UGT2B10: variants seen among roughly 807,000 people sequenced by gnomAD.
UGT2B10 encodes UDP glucuronosyltransferase family 2 member B10.
UGT2B10 carries 51 observed loss-of-function variants against 43.7 expected under a neutral mutation model. The ratio of observed to expected loss-of-function variants is 1.17; its 90% CI spans 0.93 to 1.47. The LOEUF is 1.47. Among genes scored for constraint, UGT2B10 ranks in the 40% most tolerant of loss-of-function variants. The pLI is 0.00. For missense variants in UGT2B10, 696 were observed against 617.7 expected, an observed-to-expected ratio of 1.13 and a Z score of -1.34; for synonymous variants, 225 against 209.0, an observed-to-expected ratio of 1.08 and a Z score of -0.66.
In UGT2B10 at chr4:68,831,035, T is replaced by C. The variant is rs1578277639; in HGVS notation, c.*156T>C. 1 of 956,438 alleles carries C rather than the reference T, an allele frequency of 1.0e-6. No homozygotes were observed. Among genetic ancestry groups the C allele is most frequent in the Non-Finnish European group, 1.5e-6 (1 of 653,324 alleles). 59.2% of individuals were successfully genotyped at this position (956,438 alleles called of 1,614,324 possible). ...CAAGTAAAAATTTGTTTTTCAGAGA[T>C]TTACCACCCAGTTAATGGTTAGAAA... On this transcript the variant is annotated 3_prime_UTR_variant, in exon 6 of 6. Coordinates refer to ENST00000265403, the MANE Select transcript of UGT2B10 (RefSeq NM_001075.6).
Position 68,816,016 on chromosome 4 carries a change from A to C in UGT2B10, c.-4A>C, listed in dbSNP as rs201468296. On this transcript the variant is annotated 5_prime_UTR_variant, in exon 1 of 6. Transcript: ENST00000265403. ...CTGGAAAAGAATTATCACATTGCAC[A>C]AGGATGGCTCTGAAATGGACTACAG... is the stretch of plus-strand genomic sequence containing the variant. The C allele has an allele frequency of 4.6e-4, 748 of 1,611,348 alleles. 1 individual carries two copies. Among genetic ancestry groups the C allele is most frequent in the Non-Finnish European group, 5.7e-4 (669 of 1,178,454 alleles).
At chr4:68,821,649 C>A (rs1007057658) in intron 2 of UGT2B10, among the ~76,000 whole-genome samples, 1 of 152,130 alleles carries the variant, frequency 6.6e-6, no homozygotes, top group African/African-American at 2.4e-5. Context: ...TGATTCTTAA[C>A]CCCCAGCTTT....
At chr4:68,820,048 A>G (rs906829066) in intron 2 of UGT2B10, among the ~76,000 whole-genome samples, 1 of 151,976 alleles carries the variant, frequency 6.6e-6, no homozygotes, top group African/African-American at 2.4e-5. Context: ...CTAATGAAAA[A>G]TATATGCCAC....
intron 3 of UGT2B10, among the ~76,000 whole-genome samples, chr4:68,824,917 A>T (rs1201009887): frequency 1.3e-5 from 2 of 152,160 alleles, no homozygotes; most frequent in Non-Finnish European, 2.9e-5. Flanking sequence ...AAAATTAGCA[A>T]TACTGGTTGG....
At chr4:68,817,681 G>T (rs1045147774) in intron 1 of UGT2B10, among the ~76,000 whole-genome samples, 1 of 151,672 alleles carries the variant, frequency 6.6e-6, no homozygotes, top group Non-Finnish European at 1.5e-5. Flanking sequence ...GGAGCTCAAA[G>T]ATTTGTTTAA....
Position 68,816,494 on chromosome 4 carries a change from C to T in UGT2B10, c.475C>T (p.Leu159=), listed in dbSNP as rs1316736115. 4 of 1,613,224 alleles carry T rather than the reference C, an allele frequency of 2.5e-6. No individual in the cohort carries two copies. The highest frequency in any genetic ancestry group is 3.4e-6 in the Non-Finnish European group (4 of 1,179,432). The change falls in exon 1 of 6, where the codon CTG becomes TTG. Residue 159 remains leucine, a synonymous_variant. Transcript: ENST00000265403. ...TGCTTATTTACCCTGTGGTGAGCTGCTGGCTGAGCTATTTAACATACCCTT... is the reference window on the plus strand; with the variant it reads ...TGCTTATTTACCCTGTGGTGAGCTGTTGGCTGAGCTATTTAACATACCCTT... The part of the protein sequence containing the change: ...ADAYLPCGEL[L]AELFNIPFVY...
chr4:68,829,217 A>G (rs991245379), intron 5 of UGT2B10, among the ~76,000 whole-genome samples: 1 of 152,066 alleles, frequency 6.6e-6, no homozygotes, highest in African/African-American at 2.4e-5. Flanking sequence ...TACACTAAAA[A>G]AAATAAACAC....
In UGT2B10 at chr4:68,822,245, T is replaced by C. The variant is rs587602352; in HGVS notation, c.868-26T>C. ...CTGCTGTGGTGATACTCTTTTATGATGAAACATTTTTTCTTTTTCCCACAG... is the reference window on the plus strand; with the variant it reads ...CTGCTGTGGTGATACTCTTTTATGACGAAACATTTTTTCTTTTTCCCACAG... On this transcript the variant is annotated intron_variant, in intron 2 of 5. Transcript: ENST00000265403. 7.8e-5 allele frequency: 125 copies of C among 1,608,698 alleles called. 1 individual carries two copies. In the South Asian group the frequency reaches 1.3e-3, roughly 17 times the overall value.
intron 3 of UGT2B10, among the ~76,000 whole-genome samples, chr4:68,823,909 T>C (rs896896423): frequency 7.9e-5 from 12 of 152,154 alleles, no homozygotes; most frequent in African/African-American, 2.9e-4. Context: ...GATATTATCA[T>C]GTTATAGGGA....
intron 2 of UGT2B10, among the ~76,000 whole-genome samples, chr4:68,819,625 C>G (rs1034154935): frequency 3.9e-5 from 6 of 151,930 alleles, no homozygotes; most frequent in African/African-American, 1.4e-4. Flanking sequence ...TGCCTTATGA[C>G]AGGCCACTCA....
At chr4:68,826,762 G>C (rs1319808315) in intron 4 of UGT2B10, among the ~76,000 whole-genome samples, 2 of 151,936 alleles carry the variant, frequency 1.3e-5, no homozygotes, top group African/African-American at 4.8e-5. Flanking sequence ...ATATCTTCCT[G>C]GGCTGTCCCT....
At position 68,830,937 on chromosome 4, in the gene UGT2B10, CAG is replaced by C; in HGVS notation, c.*59_*60del. On this transcript the variant is annotated 3_prime_UTR_variant, in exon 6 of 6. Coordinates refer to ENST00000265403, the MANE Select transcript of UGT2B10 (RefSeq NM_001075.6). ...TAGATAGGAATACTTCAGTTGATTCCAGCAATAAATATTGTGATGCAAGATTT... is the reference window on the plus strand; with the variant it reads ...TAGATAGGAATACTTCAGTTGATTCCCAATAAATATTGTGATGCAAGATTT... The C allele has an allele frequency of 6.5e-7, 1 of 1,544,740 alleles. No individual in the cohort carries two copies. Among genetic ancestry groups the C allele is most frequent in the Non-Finnish European group, 8.7e-7 (1 of 1,144,730 alleles).
Position 68,826,327 on chromosome 4 carries a change from C to A in UGT2B10, c.1000-83C>A, listed in dbSNP as rs576394927. 1.8e-5 allele frequency: 26 copies of A among 1,428,594 alleles called. No individual in the cohort carries two copies. The South Asian group carries it at 2.3e-4, about 13-fold the overall frequency. The allele number at this position is 1,428,594 out of a possible 1,614,324, so 88.5% of individuals were successfully genotyped here. On this transcript the variant is annotated intron_variant, in intron 3 of 5. Transcript: ENST00000265403. ...TTTATTTACTAACATCCCTTGATTT[C>A]ATTTCTACTCTTTTTACAGTTCTAA... is the stretch of plus-strand genomic sequence containing the variant.
At chr4:68,828,916 C>T (rs1426163973) in intron 5 of UGT2B10, among the ~76,000 whole-genome samples, 2 of 151,906 alleles carry the variant, frequency 1.3e-5, no homozygotes, top group Non-Finnish European at 2.9e-5. Flanking sequence ...ACTAAAATAT[C>T]TTTAAATTTT....
intron 2 of UGT2B10, among the ~76,000 whole-genome samples, chr4:68,820,006 C>T (rs898099318): frequency 9.2e-5 from 14 of 152,012 alleles, no homozygotes; most frequent in African/African-American, 3.1e-4. Context: ...TTTATAGAGT[C>T]AGTTTCTTAA....
chr4:68,824,220 G>A (rs1240338223), intron 3 of UGT2B10, among the ~76,000 whole-genome samples: 1 of 152,206 alleles, frequency 6.6e-6, no homozygotes, highest in Non-Finnish European at 1.5e-5. Context: ...ACTAGTCCAA[G>A]TACCCACACA....
At chr4:68,820,531 A>G (rs1434521722) in intron 2 of UGT2B10, among the ~76,000 whole-genome samples, 1 of 152,070 alleles carries the variant, frequency 6.6e-6, no homozygotes, top group African/African-American at 2.4e-5. Context: ...TGAAATAATG[A>G]TTAGAAACAT....
rs564427874 is a variant in UGT2B10 at position 68,817,647 on chromosome 4, G to T, written c.719-382G>T. ...TATTTGTTAGAAAATTGTTTCTATG[G>T]TTACTGTAGAATTAATTGATTATGG... On this transcript the variant is annotated intron_variant, in intron 1 of 5. Coordinates refer to ENST00000265403, the MANE Select transcript of UGT2B10 (RefSeq NM_001075.6). Among the ~76,000 whole-genome samples, 45 of 151,604 alleles carry T rather than the reference G, an allele frequency of 3.0e-4. 1 individual carries two copies. The highest frequency in any genetic ancestry group is 2.8e-4 in the Non-Finnish European group (19 of 67,746).
At chr4:68,821,166 A>G (rs1455326628) in intron 2 of UGT2B10, among the ~76,000 whole-genome samples, 1 of 152,168 alleles carries the variant, frequency 6.6e-6, no homozygotes. Flanking sequence ...ACTTAGACAC[A>G]TTTTTTCTAT....
Sources: allele counts gnomAD v4.1 joint callset (sites outside exome capture counted in the v4.1 genomes callset), GRCh38; gene constraint gnomAD v4.1.1; transcripts MANE v1.5; gene names NCBI Gene and HGNC (gene_info 2026-07-23, HGNC 2026-07-21).